The following ANO2 variants were observed in gnomAD, a reference collection of about 807,000 sequenced individuals.
The protein encoded by ANO2 is anoctamin 2.
A neutral mutation model predicts 124.2 loss-of-function variants in ANO2; 101 were observed. That is an observed-to-expected ratio of 0.81 (90% confidence interval 0.69 to 0.96). The LOEUF (loss-of-function observed/expected upper bound fraction) is 0.96. ANO2 is among the 40% of genes least tolerant of loss of function. ANO2 has a pLI of 0.00. For synonymous variants in ANO2, 486 were observed against 482.5 expected, an observed-to-expected ratio of 1.01 and a Z score of -0.09; for missense variants, 1,293 against 1,274.5, an observed-to-expected ratio of 1.01 and a Z score of -0.22.
rs1955150163 is a variant in ANO2 at position 5,857,805 on chromosome 12, G to C, written c.535-3664C>G. On this transcript the variant is annotated intron_variant, in intron 3 of 24. Coordinates refer to ENST00000682330, the MANE Select transcript of ANO2 (RefSeq NM_001364791.2). ...AGATAGATAGATAGATAGATAGATA[G>C]ATAGATAGATAGATGCCCACTGGAA... 2.0e-5 allele frequency among the ~76,000 whole-genome samples: 3 copies of C among 152,050 alleles called. No individual in the cohort carries two copies. In the South Asian group the frequency reaches 6.2e-4, roughly 32 times the overall value.
At chr12:5,806,775 G>A (rs1285475125) in intron 8 of ANO2, among the ~76,000 whole-genome samples, 1 of 152,220 alleles carries the variant, frequency 6.6e-6, no homozygotes, top group South Asian at 2.1e-4. Context: ...AAGGAATTCT[G>A]AGAGATTTTC....
chr12:5,694,284 A>AGAG (rs55758114), intron 14 of ANO2, among the ~76,000 whole-genome samples: 3 of 150,828 alleles, frequency 2.0e-5, no homozygotes, highest in African/African-American at 7.3e-5. Flanking sequence ...AGAGAGAGAG[A>AGAG]ATAAAACAGA....
chr12:5,895,743 A>T (rs761349144), intron 3 of ANO2, among the ~76,000 whole-genome samples: 5 of 152,164 alleles, frequency 3.3e-5, no homozygotes, highest in Admixed American at 6.5e-5. Context: ...AAAGAACTAA[A>T]AGTAGAACTA....
chr12:5,713,899 T>C (rs1318211793), intron 14 of ANO2, among the ~76,000 whole-genome samples: 2 of 152,154 alleles, frequency 1.3e-5, no homozygotes, highest in East Asian at 1.9e-4. Flanking sequence ...GCTAACCTCA[T>C]TTTTCTGGTG....
rs534581747 is a variant in ANO2 at position 5,913,664 on chromosome 12, A to G, written c.534+7376T>C. Among the ~76,000 whole-genome samples, 133 of 152,368 alleles carry G rather than the reference A, an allele frequency of 8.7e-4. 1 individual carries two copies. The highest frequency in any genetic ancestry group is 3.1e-3 in the African/African-American group (128 of 41,588). On this transcript the variant is annotated intron_variant, in intron 3 of 24. Transcript: ENST00000682330. ...AATCCCAGCAGGACCCCTTAGTGGC[A>G]GCGTGACCTTGGCCAAGCCACTTGG... is the stretch of plus-strand genomic sequence containing the variant.
At chr12:5,775,292 G>T (rs755323957) in intron 10 of ANO2, among the ~76,000 whole-genome samples, 1 of 152,060 alleles carries the variant, frequency 6.6e-6, no homozygotes, top group Non-Finnish European at 1.5e-5. Flanking sequence ...GAGAGAGAGA[G>T]AGAGAGAAAA....
intron 10 of ANO2, among the ~76,000 whole-genome samples, chr12:5,770,440 T>C (rs1008896794): frequency 8.5e-5 from 13 of 152,264 alleles, no homozygotes; most frequent in African/African-American, 3.1e-4. Flanking sequence ...TTCTCCCCAG[T>C]CTTTCATATT....
At chr12:5,882,730 C>A (rs1488777608) in intron 3 of ANO2, among the ~76,000 whole-genome samples, 4 of 152,216 alleles carry the variant, frequency 2.6e-5, no homozygotes, top group Non-Finnish European at 5.9e-5. Flanking sequence ...AAGTCGCCCA[C>A]ATCCCCAAAC....
At chr12:5,760,141 T>C (rs769800594) in intron 10 of ANO2, among the ~76,000 whole-genome samples, 2 of 152,266 alleles carry the variant, frequency 1.3e-5, no homozygotes, top group Non-Finnish European at 2.9e-5. Context: ...ATGTTTCTAC[T>C]TTGTTAATAA....
Position 5,659,198 on chromosome 12 carries a change from ATCT to A in ANO2, c.1546-11400_1546-11398del, listed in dbSNP as rs541011702. On this transcript the variant is annotated intron_variant, in intron 14 of 24. Transcript: ENST00000682330. ...CAGAGGTTCCCCCACCAACTTCATC[ATCT>A]TCTTTCTCTCTTTAGGTCTCCCTCT... Among the ~76,000 whole-genome samples, 69 of 152,122 alleles carry A rather than the reference ATCT, an allele frequency of 4.5e-4. 1 individual carries two copies. The South Asian group carries it at 7.3e-3, about 16-fold the overall frequency.
intron 14 of ANO2, among the ~76,000 whole-genome samples, chr12:5,670,182 T>G (rs1356399706): frequency 1.3e-5 from 2 of 152,366 alleles, no homozygotes; most frequent in Admixed American, 1.3e-4. Context: ...GACCTGAGAC[T>G]AGGTCATCTC....
At chr12:5,567,251 C>T (rs1941822200) in intron 23 of ANO2, among the ~76,000 whole-genome samples, 1 of 152,182 alleles carries the variant, frequency 6.6e-6, no homozygotes, top group Non-Finnish European at 1.5e-5. Context: ...CCCAGCAGAG[C>T]ACCACGGGAT....
intron 14 of ANO2, among the ~76,000 whole-genome samples, chr12:5,717,869 C>G (rs142143192): frequency 3.4e-4 from 52 of 152,358 alleles, no homozygotes; most frequent in African/African-American, 9.6e-4. Context: ...GAACTGTTGA[C>G]TTACATCAGC....
chr12:5,666,982 C>A (rs1233359475), intron 14 of ANO2, among the ~76,000 whole-genome samples: 3 of 152,214 alleles, frequency 2.0e-5, no homozygotes, highest in Non-Finnish European at 4.4e-5. Context: ...TCAGTAAAAA[C>A]TCTGGACACA....
chr12:5,726,820 T>G (rs1236951639), intron 14 of ANO2, among the ~76,000 whole-genome samples: 1 of 152,138 alleles, frequency 6.6e-6, no homozygotes, highest in Non-Finnish European at 1.5e-5. Context: ...AACCAATGGG[T>G]TGATGACCAA....
intron 14 of ANO2, among the ~76,000 whole-genome samples, chr12:5,710,926 C>G (rs193250249): frequency 1.3e-5 from 2 of 152,214 alleles, no homozygotes; most frequent in Non-Finnish European, 2.9e-5. Context: ...CTTTGGGAGG[C>G]CGAGGCGGGA....
intron 14 of ANO2, among the ~76,000 whole-genome samples, chr12:5,710,695 T>C (rs1187069098): frequency 1.3e-5 from 2 of 152,170 alleles, no homozygotes; most frequent in Non-Finnish European, 1.5e-5. Flanking sequence ...CATGAATCAT[T>C]TGGAGACTGA....
chr12:5,722,921 T>A (rs549144846), intron 14 of ANO2, among the ~76,000 whole-genome samples: 9 of 152,330 alleles, frequency 5.9e-5, no homozygotes, highest in African/African-American at 1.9e-4. Context: ...TTTCTGAAGA[T>A]GCTTTCATGT....
intron 8 of ANO2, 109 bp downstream of exon 8, chr12:5,807,204 C>T (rs1208899431): frequency 5.6e-6 from 5 of 886,104 alleles, no homozygotes; most frequent in African/African-American, 1.7e-5. Flanking sequence ...TGTCATGATT[C>T]ACTCCTGCCT....
Sources: allele counts gnomAD v4.1 joint callset (sites outside exome capture counted in the v4.1 genomes callset), GRCh38; gene constraint gnomAD v4.1.1; transcripts MANE v1.5; gene names NCBI Gene and HGNC (gene_info 2026-07-23, HGNC 2026-07-21).